TAOK3: variants seen among roughly 807,000 people sequenced by gnomAD.
TAOK3 encodes the protein serine/threonine-protein kinase TAO3.
Under a neutral mutation model 120.4 loss-of-function variants are expected in TAOK3, and 40 were observed. That is an observed-to-expected ratio of 0.33 (90% CI 0.26 to 0.43). TAOK3 has a LOEUF of 0.43. Among genes scored for constraint, TAOK3 ranks in the 20% least tolerant of loss-of-function variants. TAOK3 has a pLI of 1.00. For missense variants in TAOK3, 821 were observed against 1,112.1 expected (o/e 0.74, Z 3.72); for synonymous variants, 355 against 387.5 (o/e 0.92, Z 0.99).
Position 118,194,953 on chromosome 12 carries a change from T to C in TAOK3, c.1194+4098A>G, listed in dbSNP as rs143460240. Among the ~76,000 whole-genome samples the C allele has an allele frequency of 9.6e-4, 146 of 152,302 alleles. 2 individuals carry two copies. Among genetic ancestry groups the C allele is most frequent in the African/African-American group, 3.4e-3 (143 of 41,568 alleles). ...TAGTAGAGACAGATTTTCACCATAT[T>C]GGCCAGGCTCGTCTCGAACTCCTGA... On this transcript the variant is annotated intron_variant, in intron 13 of 20. Transcript: ENST00000392533.
chr12:118,300,625 G>A (rs1300058896), intron 1 of TAOK3, among the ~76,000 whole-genome samples: 1 of 152,002 alleles, frequency 6.6e-6, no homozygotes, highest in Non-Finnish European at 1.5e-5. Flanking sequence ...GTATACTGAA[G>A]GATATTTTGT....
At chr12:118,242,087 CAA>C (rs138217247) in intron 5 of TAOK3, among the ~76,000 whole-genome samples, 27 of 110,738 alleles carry the variant, frequency 2.4e-4, no homozygotes, top group Non-Finnish European at 1.9e-4. Context: ...AACTCTGTCT[CAA>C]AAAAAAAAAA....
chr12:118,151,273 T>G, intron 20 of TAOK3, 115 bp from the exon 21 acceptor site: 5 of 932,256 alleles, frequency 5.4e-6, no homozygotes, highest in African/African-American at 4.0e-5. Flanking sequence ...GGCACACACA[T>G]GAAGTGCGCG....
At chr12:118,258,199 T>C (rs893923313) in intron 2 of TAOK3, among the ~76,000 whole-genome samples, 12 of 152,020 alleles carry the variant, frequency 7.9e-5, no homozygotes, top group Non-Finnish European at 1.8e-4. Context: ...CTTTAAACCA[T>C]ATTAAGAAGT....
intron 13 of TAOK3, 186 bp from the exon 14 acceptor site, chr12:118,190,127 T>C (rs1325865993): frequency 4.5e-6 from 3 of 666,424 alleles, no homozygotes; most frequent in Non-Finnish European, 7.3e-6. Flanking sequence ...CAGTTAGGAA[T>C]GTCAGCTGAT....
chr12:118,230,267 A>C (rs2039704188), intron 9 of TAOK3, among the ~76,000 whole-genome samples: 1 of 151,964 alleles, frequency 6.6e-6, no homozygotes, highest in African/African-American at 2.4e-5. Context: ...TGTGTCTTAT[A>C]CCAAAATCTG....
intron 1 of TAOK3, among the ~76,000 whole-genome samples, chr12:118,333,336 C>A (rs933676327): frequency 6.6e-6 from 1 of 152,020 alleles, no homozygotes; most frequent in Non-Finnish European, 1.5e-5. Context: ...AGAAAGACAA[C>A]AGGAAAGTCT....
chr12:118,198,747 G>C, intron 13 of TAOK3: 1 of 368,482 alleles, frequency 2.7e-6, no homozygotes, highest in East Asian at 6.4e-5. Context: ...GTACACTCAG[G>C]AAGACTTGAA....
At chr12:118,203,477 G>A (rs1289439044) in intron 11 of TAOK3, among the ~76,000 whole-genome samples, 2 of 152,126 alleles carry the variant, frequency 1.3e-5, no homozygotes, top group Non-Finnish European at 2.9e-5. Flanking sequence ...GGCTGAGGCG[G>A]GTGGATTACT....
chr12:118,298,154 T>G (rs1400461581), intron 1 of TAOK3, among the ~76,000 whole-genome samples: 2 of 152,136 alleles, frequency 1.3e-5, no homozygotes, highest in Non-Finnish European at 2.9e-5. Flanking sequence ...GATTTTACTT[T>G]TGGATGTTTA....
chr12:118,172,274 T>C (rs1338114660), intron 17 of TAOK3, among the ~76,000 whole-genome samples, 183 bp downstream of exon 17: 1 of 152,214 alleles, frequency 6.6e-6, no homozygotes, highest in Non-Finnish European at 1.5e-5. Context: ...GTGAGTGGGC[T>C]TCCTCTTATC....
intron 1 of TAOK3, among the ~76,000 whole-genome samples, chr12:118,310,962 A>G (rs1412729033): frequency 6.6e-6 from 1 of 152,196 alleles, no homozygotes; most frequent in Non-Finnish European, 1.5e-5. Flanking sequence ...TATATCCACA[A>G]ATAATAGTTA....
chr12:118,252,947 C>T (rs974035923), intron 3 of TAOK3, among the ~76,000 whole-genome samples: 1 of 152,094 alleles, frequency 6.6e-6, no homozygotes, highest in East Asian at 1.9e-4. Flanking sequence ...AGGATAGTCT[C>T]GAACTCTTGA....
intron 1 of TAOK3, among the ~76,000 whole-genome samples, chr12:118,284,375 T>C (rs915803814): frequency 6.6e-6 from 1 of 152,110 alleles, no homozygotes; most frequent in Non-Finnish European, 1.5e-5. Context: ...CATGGTTCCA[T>C]GAGTGTGGAG....
At chr12:118,262,362 A>G (rs2041266831) in intron 2 of TAOK3, among the ~76,000 whole-genome samples, 1 of 152,038 alleles carries the variant, frequency 6.6e-6, no homozygotes. Flanking sequence ...GGGTACCTGT[A>G]GTCCCAGCTA....
At chr12:118,325,737 T>C (rs1407546233) in intron 1 of TAOK3, among the ~76,000 whole-genome samples, 2 of 152,158 alleles carry the variant, frequency 1.3e-5, no homozygotes, top group Admixed American at 1.3e-4. Flanking sequence ...TGGAGTGCAG[T>C]AGCATGATCT....
rs906471618 is a variant in TAOK3, at chr12:118,150,807, G to A, written c.*190C>T. ...TTTGGCCAGCACTGAAAGTTGACAC[G>A]GGGGGAGGAAGGGGGCCCCTGATGG... On this transcript the variant is annotated 3_prime_UTR_variant, in exon 21 of 21. Transcript: ENST00000392533. The A allele has an allele frequency of 2.0e-5, 12 of 599,962 alleles. No individual in the cohort carries two copies. Among genetic ancestry groups the A allele is most frequent in the Admixed American group, 9.7e-5 (3 of 30,832 alleles). The allele number at this position is 599,962 out of a possible 1,614,324, so 37.2% of individuals were successfully genotyped here. A position where few individuals can be genotyped will look rare whatever the true frequency, so the allele number is the denominator to read the frequency against.
At chr12:118,250,066 T>C (rs1026518643) in intron 3 of TAOK3, among the ~76,000 whole-genome samples, 3 of 152,132 alleles carry the variant, frequency 2.0e-5, no homozygotes, top group African/African-American at 7.2e-5. Context: ...TTTTTGTTTG[T>C]TTTCCTTTAG....
At chr12:118,344,649 G>T (rs567613082) in intron 1 of TAOK3, among the ~76,000 whole-genome samples, 31 of 151,876 alleles carry the variant, frequency 2.0e-4, no homozygotes, top group Non-Finnish European at 4.4e-4. Flanking sequence ...TATTTGAAAC[G>T]AATGGGAAAA....
Sources: allele counts gnomAD v4.1 joint callset (sites outside exome capture counted in the v4.1 genomes callset), GRCh38; gene constraint gnomAD v4.1.1; transcripts MANE v1.5; gene names NCBI Gene and HGNC (gene_info 2026-07-23, HGNC 2026-07-21).